The following ERC1 variants were observed in gnomAD, a reference collection of about 807,000 sequenced individuals.
The protein encoded by ERC1 is RAB6 interacting protein 2.
In ERC1, 56 loss-of-function variants were observed where a neutral mutation model predicts 132.0. That is an observed-to-expected ratio of 0.42 (90% confidence interval 0.34 to 0.53). ERC1 has a LOEUF of 0.53. ERC1 is among the 20% of genes least tolerant of loss of function. The probability of loss-of-function intolerance (pLI) is 0.03; values close to 1 mark genes in which losing one functional copy is unlikely to be tolerated. For synonymous variants in ERC1, 478 were observed against 476.1 expected, an observed-to-expected ratio of 1.00 and a Z score of -0.05; for missense variants, 1,202 against 1,349.9, an observed-to-expected ratio of 0.89 and a Z score of 1.72.
chr12:1,163,144 C>T (rs1363387219), intron 8 of ERC1, among the ~76,000 whole-genome samples: 2 of 152,104 alleles, frequency 1.3e-5, no homozygotes, highest in African/African-American at 4.8e-5. Context: ...GAGAGTTTAA[C>T]TTGCAAAGTA....
At chr12:1,286,557 T>C (rs760275203) in intron 14 of ERC1, among the ~76,000 whole-genome samples, 2 of 152,158 alleles carry the variant, frequency 1.3e-5, no homozygotes, top group African/African-American at 4.8e-5. Flanking sequence ...GCTATCACCA[T>C]GTCTGTACAG....
rs1165602380 is a variant in ERC1 at position 1,121,977 on chromosome 12, G to GTCTCTA, written c.1569+5972_1569+5977dup. Reference sequence around the variant, plus strand: ...TATCTCTATCTCTATCTCTATCTGTGTCTCTATCTCTATCTCTATCTCTAT... The same window carrying GTCTCTA: ...TATCTCTATCTCTATCTCTATCTGTGTCTCTATCTCTATCTCTATCTCTATCTCTAT... On this transcript the variant is annotated intron_variant, in intron 7 of 18. Coordinates refer to ENST00000360905, the MANE Select transcript of ERC1 (RefSeq NM_178040.4). 8.0e-3 allele frequency among the ~76,000 whole-genome samples: 22 copies of GTCTCTA among 2,742 alleles called. 11 individuals carry two copies. Among genetic ancestry groups the GTCTCTA allele is most frequent in the African/African-American group, 0.014 (22 of 1,578 alleles). 1.8% of individuals were successfully genotyped at this position (2,742 alleles called of 152,430 possible). A position where few individuals can be genotyped will look rare whatever the true frequency, so the allele number is the denominator to read the frequency against.
chr12:1,206,774 A>T (rs977711773), intron 12 of ERC1, among the ~76,000 whole-genome samples: 16 of 152,092 alleles, frequency 1.1e-4, no homozygotes, highest in African/African-American at 3.9e-4. Context: ...TCTAAAATTG[A>T]GCTCAATATT....
chr12:1,138,892 C>T (rs1042551742), intron 7 of ERC1, among the ~76,000 whole-genome samples: 4 of 152,118 alleles, frequency 2.6e-5, no homozygotes, highest in African/African-American at 4.8e-5. Flanking sequence ...GGCAAGACCA[C>T]GTAATCTTAG....
chr12:1,461,671 A>T (rs1565484872), intron 18 of ERC1, among the ~76,000 whole-genome samples: 1 of 152,120 alleles, frequency 6.6e-6, no homozygotes, highest in Non-Finnish European at 1.5e-5. Flanking sequence ...CTGTCTCAAA[A>T]AATAATAATA....
At chr12:1,271,876 A>C (rs2077880547) in intron 14 of ERC1, among the ~76,000 whole-genome samples, 1 of 152,190 alleles carries the variant, frequency 6.6e-6, no homozygotes. Context: ...CTCATCTGAG[A>C]GGACTTCTTT....
chr12:1,438,729 C>T (rs1463678606), intron 17 of ERC1, among the ~76,000 whole-genome samples: 1 of 151,990 alleles, frequency 6.6e-6, no homozygotes, highest in East Asian at 1.9e-4. Context: ...ATCACATGAG[C>T]CCAGGAGTTA....
intron 1 of ERC1, among the ~76,000 whole-genome samples, chr12:1,009,319 T>C (rs866612686): frequency 2.5e-4 from 38 of 151,760 alleles, no homozygotes; most frequent in Admixed American, 2.0e-3. Flanking sequence ...GGACTACAGG[T>C]GCCCGCCACC....
In ERC1 at chr12:1,303,955, G is replaced by GAAAAA. The variant is rs59587052; in HGVS notation, c.2780+13954_2780+13958dup. Among the ~76,000 whole-genome samples, 371 of 86,464 alleles carry GAAAAA rather than the reference G, an allele frequency of 4.3e-3. 4 individuals are homozygous for GAAAAA. The highest frequency in any genetic ancestry group is 0.011 in the African/African-American group (310 of 28,148). The allele number at this position is 86,464 out of a possible 152,430, so 56.7% of individuals were successfully genotyped here. A position where few individuals can be genotyped will look rare whatever the true frequency, so the allele number is the denominator to read the frequency against. ...GCAACAAGAGCAAAACTCCATCTCA[G>GAAAAA]AAAAAAAAAAAAAAAGAATTCCATT... is the stretch of plus-strand genomic sequence containing the variant. On this transcript the variant is annotated intron_variant, in intron 15 of 18. Transcript: ENST00000360905.
intron 16 of ERC1, among the ~76,000 whole-genome samples, chr12:1,375,865 T>G (rs1361193370): frequency 6.6e-6 from 1 of 151,246 alleles, no homozygotes; most frequent in Non-Finnish European, 1.5e-5. Flanking sequence ...GCCTCCCGAG[T>G]AGCTGGGATT....
rs754220477 is a variant in ERC1 at position 1,230,004 on chromosome 12, CTTTTTTTTTT to C, written c.2352-6754_2352-6745del. On this transcript the variant is annotated intron_variant, in intron 12 of 18. Coordinates refer to ENST00000360905, the MANE Select transcript of ERC1 (RefSeq NM_178040.4). ...ATTTGCCTGAAGATACTTTTTGACTCTTTTTTTTTTTTTTTTTTTTGAGTTGGAGTCTCAC... is the reference window on the plus strand; with the variant it reads ...ATTTGCCTGAAGATACTTTTTGACTCTTTTTTTTTTGAGTTGGAGTCTCAC... Among the ~76,000 whole-genome samples the C allele has an allele frequency of 2.8e-5, 3 of 107,792 alleles. 1 individual carries two copies. Among genetic ancestry groups the C allele is most frequent in the African/African-American group, 1.2e-4 (3 of 25,656 alleles). 70.7% of individuals were successfully genotyped at this position (107,792 alleles called of 152,430 possible).
intron 14 of ERC1, among the ~76,000 whole-genome samples, chr12:1,274,674 G>A (rs1487361041): frequency 6.6e-6 from 1 of 151,980 alleles, no homozygotes; most frequent in Non-Finnish European, 1.5e-5. Context: ...TGTATTTTTA[G>A]TAGAGATGGG....
At chr12:1,014,974 G>C (rs147351689) in intron 1 of ERC1, among the ~76,000 whole-genome samples, 35 of 151,952 alleles carry the variant, frequency 2.3e-4, no homozygotes, top group Non-Finnish European at 4.0e-4. Flanking sequence ...ATGTTGGCTA[G>C]GCTGGTCCCG....
chr12:1,375,112 C>T (rs1464257869), intron 16 of ERC1, among the ~76,000 whole-genome samples: 1 of 152,060 alleles, frequency 6.6e-6, no homozygotes, highest in Non-Finnish European at 1.5e-5. Context: ...GTGTGTTAGT[C>T]CGCTTCCACA....
intron 18 of ERC1, among the ~76,000 whole-genome samples, chr12:1,474,064 C>T (rs1400005569): frequency 5.9e-5 from 9 of 152,182 alleles, no homozygotes; most frequent in African/African-American, 1.9e-4. Flanking sequence ...TTTATGTCTT[C>T]GTATCTCCTA....
At chr12:1,023,842 A>G (rs1966715901) in intron 1 of ERC1, among the ~76,000 whole-genome samples, 1 of 152,204 alleles carries the variant, frequency 6.6e-6, no homozygotes, top group Non-Finnish European at 1.5e-5. Context: ...GAAGTTAAAA[A>G]GGCATTAGAG....
chr12:1,191,418 G>A (rs1026852908), intron 12 of ERC1, among the ~76,000 whole-genome samples: 5 of 152,102 alleles, frequency 3.3e-5, no homozygotes, highest in South Asian at 2.1e-4. Flanking sequence ...ATACAAAAAT[G>A]CGGTGCTTTT....
At position 1,459,464 on chromosome 12, in the gene ERC1, G is replaced by GTGAA. The variant is rs111639776; in HGVS notation, c.3213+14739_3213+14742dup. On this transcript the variant is annotated intron_variant, in intron 18 of 18. Transcript: ENST00000360905. Reference sequence around the variant, plus strand: ...TTTGAGTCTGTGATGGTATAAAGAAGTGAATGAATGAATGAATGAATGAAT... The same window carrying GTGAA: ...TTTGAGTCTGTGATGGTATAAAGAAGTGAATGAATGAATGAATGAATGAATGAAT... Among the ~76,000 whole-genome samples the GTGAA allele has an allele frequency of 2.4e-3, 366 of 152,106 alleles. 3 individuals carry two copies. The highest frequency in any genetic ancestry group is 3.4e-3 in the Middle Eastern group (1 of 294).
At chr12:1,431,542 T>G (rs1019134642) in intron 17 of ERC1, among the ~76,000 whole-genome samples, 2 of 152,218 alleles carry the variant, frequency 1.3e-5, no homozygotes, top group African/African-American at 4.8e-5. Flanking sequence ...TTAATTAGTA[T>G]CACTTTTTCA....
Sources: gnomAD v4.1 joint callset for allele counts (sites outside exome capture counted in the v4.1 genomes callset) on GRCh38, gnomAD v4.1.1 for gene constraint, MANE v1.5 for transcripts, NCBI Gene and HGNC (gene_info 2026-07-23, HGNC 2026-07-21) for gene names.